Variants in TUSC3 observed in about 807,000 individuals in gnomAD.
The protein encoded by TUSC3 is dolichyl-diphosphooligosaccharide--protein glycosyltransferase subunit TUSC3.
In TUSC3, 45 loss-of-function variants were observed where a neutral mutation model predicts 44.8. The observed-to-expected ratio is 1.00, with a 90% CI of 0.79 to 1.29. TUSC3 has a LOEUF of 1.29. Ranked by LOEUF, TUSC3 falls within the 50% of genes most tolerant of loss-of-function variation. The pLI is 0.00. For synonymous variants in TUSC3, 212 were observed against 152.9 expected (o/e 1.39, Z -2.85); for missense variants, 519 against 437.9 (o/e 1.19, Z -1.65).
intron 5 of TUSC3, among the ~76,000 whole-genome samples, chr8:15,664,752 G>A (rs1807581629): frequency 6.7e-6 from 1 of 148,926 alleles, no homozygotes; most frequent in East Asian, 2.0e-4. Flanking sequence ...ATGGCCTTTG[G>A]CAACTCCTTA....
intron 1 of TUSC3, among the ~76,000 whole-genome samples, chr8:15,607,074 C>T (rs936261099): frequency 6.6e-5 from 10 of 151,930 alleles, no homozygotes; most frequent in African/African-American, 1.7e-4. Flanking sequence ...AAGCTTTTAC[C>T]CTGTGCTGTT....
At chr8:15,789,461 A>T in the TUSC3 span, among the ~76,000 whole-genome samples, 2 of 152,152 alleles carry the variant, frequency 1.3e-5, no homozygotes, top group Non-Finnish European at 2.9e-5. Flanking sequence ...GTCTTAAGAG[A>T]CAGCTCACAA....
At chr8:15,638,515 CTTTTTTT>C (rs547743726) in intron 2 of TUSC3, among the ~76,000 whole-genome samples, 21 of 81,102 alleles carry the variant, frequency 2.6e-4, no homozygotes, top group Non-Finnish European at 3.5e-4. Context: ...TTCTTTTTTT[CTTTTTTT>C]TTTTTTTTTT....
At chr8:15,440,236 T>A (rs1195927273) in intron 1 of TUSC3, among the ~76,000 whole-genome samples, 1 of 152,090 alleles carries the variant, frequency 6.6e-6, no homozygotes, top group Non-Finnish European at 1.5e-5. Flanking sequence ...AGCTGAGAAC[T>A]TTACGGGCAG....
At chr8:15,816,935 T>G in the TUSC3 span, among the ~76,000 whole-genome samples, 7 of 152,210 alleles carry the variant, frequency 4.6e-5, no homozygotes, top group African/African-American at 9.6e-5. Flanking sequence ...TTATTTCTAT[T>G]TTTGCCACTC....
chr8:15,463,242 A>G (rs566484034), intron 1 of TUSC3, among the ~76,000 whole-genome samples: 2 of 152,188 alleles, frequency 1.3e-5, no homozygotes, highest in African/African-American at 4.8e-5. Context: ...ATGAATTTTA[A>G]ATAACTTTAT....
the TUSC3 span, among the ~76,000 whole-genome samples, chr8:15,804,002 A>C: frequency 2.0e-5 from 3 of 152,322 alleles, no homozygotes; most frequent in African/African-American, 7.2e-5. Context: ...TAATGCTGCA[A>C]TAAACATACG....
chr8:15,455,677 A>G (rs1800248390), intron 1 of TUSC3, among the ~76,000 whole-genome samples: 1 of 152,202 alleles, frequency 6.6e-6, no homozygotes, highest in Admixed American at 6.5e-5. Context: ...TATCAGTGAG[A>G]AAATTACATC....
intron 2 of TUSC3, among the ~76,000 whole-genome samples, chr8:15,485,167 A>G (rs1385241378): frequency 6.6e-6 from 1 of 152,076 alleles, no homozygotes; most frequent in Non-Finnish European, 1.5e-5. Flanking sequence ...TCATAGCCAT[A>G]TTCCTCATTT....
chr8:15,748,946 T>G (rs956997622), intron 9 of TUSC3: 4 of 355,354 alleles, frequency 1.1e-5, no homozygotes, highest in Non-Finnish European at 2.2e-5. Flanking sequence ...TCATAACGAG[T>G]ATCTCATAAG....
chr8:15,454,721 C>A lies in TUSC3; in HGVS notation n.92-28665C>A, dbSNP rs183168758. 5.5e-3 allele frequency among the ~76,000 whole-genome samples: 840 copies of A among 152,160 alleles called. 6 individuals are homozygous for A. Among genetic ancestry groups the A allele is most frequent in the Middle Eastern group, 0.017 (5 of 294 alleles). ...TAACTGAAATCATTTTAATCAGGACCTAATAAACTGGACTGCACAAGTCTT... is the reference window on the plus strand; with the variant it reads ...TAACTGAAATCATTTTAATCAGGACATAATAAACTGGACTGCACAAGTCTT... On this transcript the variant is annotated intron_variant and non_coding_transcript_variant, in intron 1 of 5. Coordinates refer to the TUSC3 transcript ENST00000503191.
chr8:15,638,005 G>A (rs1374070009), intron 2 of TUSC3, among the ~76,000 whole-genome samples: 4 of 152,018 alleles, frequency 2.6e-5, no homozygotes, highest in Non-Finnish European at 5.9e-5. Context: ...CCACAAAGTG[G>A]TGCATTCTTA....
At chr8:15,801,430 G>C in the TUSC3 span, among the ~76,000 whole-genome samples, 1 of 152,144 alleles carries the variant, frequency 6.6e-6, no homozygotes. Context: ...TGTGATGAAT[G>C]AGTTTCACAA....
At chr8:15,762,534 T>G (rs545858084) in intron 10 of TUSC3, among the ~76,000 whole-genome samples, 17 of 152,200 alleles carry the variant, frequency 1.1e-4, no homozygotes, top group African/African-American at 3.9e-4. Flanking sequence ...CAGATTAGTA[T>G]TTTTGCTTTT....
At chr8:15,619,160 C>T (rs1805129606) in intron 1 of TUSC3, among the ~76,000 whole-genome samples, 1 of 152,086 alleles carries the variant, frequency 6.6e-6, no homozygotes, top group South Asian at 2.1e-4. Flanking sequence ...ATGTGTTTCT[C>T]CCTTAAGGCA....
chr8:15,630,227 G>A (rs1024389821), intron 2 of TUSC3, among the ~76,000 whole-genome samples: 3 of 152,038 alleles, frequency 2.0e-5, no homozygotes, highest in African/African-American at 7.2e-5. Context: ...GAATCAAGCA[G>A]GTTGCCTGTA....
At chr8:15,609,711 G>A (rs532797421) in intron 1 of TUSC3, among the ~76,000 whole-genome samples, 1 of 151,246 alleles carries the variant, frequency 6.6e-6, no homozygotes, top group Admixed American at 6.6e-5. Flanking sequence ...TTGTACTTAA[G>A]CAATTTTTTA....
At chr8:15,782,967 TA>T in the TUSC3 span, among the ~76,000 whole-genome samples, 1 of 152,044 alleles carries the variant, frequency 6.6e-6, no homozygotes, top group Non-Finnish European at 1.5e-5. Context: ...AAAAAAATAC[TA>T]AAGACTCCAC....
rs752051054 is a variant in TUSC3 at position 15,766,050 on chromosome 8, AAGAT to A, written c.*1900_*1903del. Reference sequence around the variant, plus strand: ...CAGGTCATCCTCAGACACTATAACTAAGATAGATAAGGAGTACTTTACTATACCA... The same window carrying A: ...CAGGTCATCCTCAGACACTATAACTAAGATAAGGAGTACTTTACTATACCA... On this transcript the variant is annotated 3_prime_UTR_variant, in exon 11 of 11. Coordinates refer to ENST00000503731, the MANE Select transcript of TUSC3 (RefSeq NM_006765.4). The A allele has an allele frequency of 6.6e-6, 1 of 152,098 alleles. No homozygotes were observed. The highest frequency in any genetic ancestry group is 6.6e-5 in the Admixed American group (1 of 15,238). The allele number at this position is 152,098 out of a possible 1,614,324, so 9.4% of individuals were successfully genotyped here.
Sources: gnomAD v4.1 joint callset for allele counts (sites outside exome capture counted in the v4.1 genomes callset) on GRCh38, gnomAD v4.1.1 for gene constraint, MANE v1.5 for transcripts, NCBI Gene and HGNC (gene_info 2026-07-23, HGNC 2026-07-21) for gene names.